Variants in CSF2RB observed in about 807,000 individuals in gnomAD.
CSF2RB encodes cytokine receptor common subunit beta.
A neutral mutation model predicts 67.2 loss-of-function variants in CSF2RB; 22 were observed. That is an observed-to-expected ratio of 0.33 (90% CI 0.23 to 0.47). The LOEUF (loss-of-function observed/expected upper bound fraction) is 0.47, where lower values mean the gene tolerates loss of function less well. Ranked by LOEUF, CSF2RB falls within the 20% of genes least tolerant of loss-of-function variation. CSF2RB has a pLI of 1.00. For synonymous variants in CSF2RB, 507 were observed against 482.9 expected (o/e 1.05, Z -0.65); for missense variants, 1,113 against 1,174.5 (o/e 0.95, Z 0.76).
rs909537972 is a variant in CSF2RB at position 36,929,824 on chromosome 22, C to G, written c.718+17C>G. 1.9e-6 allele frequency: 3 copies of G among 1,611,922 alleles called. No homozygotes were observed. The highest frequency in any genetic ancestry group is 2.5e-6 in the Non-Finnish European group (3 of 1,179,230). ...CCCAGCCAGGTAATGTTGCCAGAGC[C>G]CAGGAAATGCCCCGTGGTGGGAGGG... On this transcript the variant is annotated intron_variant, in intron 6 of 13. Transcript: ENST00000403662.
At chr22:36,915,590 G>C (rs540728425) in intron 1 of CSF2RB, among the ~76,000 whole-genome samples, 1 of 152,066 alleles carries the variant, frequency 6.6e-6, no homozygotes, top group East Asian at 1.9e-4. Context: ...CACGTTGATC[G>C]ACACCTAGAT....
Position 36,936,573 on chromosome 22 carries a change from C to A in CSF2RB, c.1489C>A (p.Pro497Thr), listed in dbSNP as rs755835897. ...GAACGGGAGCGCAGAGCTTTGGCCC[C>A]CAGGCAGCATGTCGGCCTTCACTAG... ...FQNGSAELWP[P>T]GSMSAFTSGS... Residue 497 changes from proline to threonine, a missense_variant, in exon 13 of 14, where the codon CCA (proline) becomes ACA (threonine). Physicochemically the swap from Pro to Thr is conservative, Grantham distance 38 (BLOSUM62 -1). Transcript: ENST00000403662. The A allele has an allele frequency of 6.2e-7, 1 of 1,613,210 alleles. No individual in the cohort carries two copies. The highest frequency in any genetic ancestry group is 8.5e-7 in the Non-Finnish European group (1 of 1,180,008).
chr22:36,932,924 G>T lies in CSF2RB; in HGVS notation c.1152+20G>T, dbSNP rs1534879. On this transcript the variant is annotated intron_variant, in intron 9 of 13. Coordinates refer to ENST00000403662, the MANE Select transcript of CSF2RB (RefSeq NM_000395.3). ...TGGAAGGTGAGGGCCTTTGCCCAGGGAGGGGAGAAACACTGGGGAGGGCGG... is the reference window on the plus strand; with the variant it reads ...TGGAAGGTGAGGGCCTTTGCCCAGGTAGGGGAGAAACACTGGGGAGGGCGG... 6.2e-7 allele frequency: 1 copy of T among 1,612,878 alleles called. No homozygotes were observed. Among genetic ancestry groups the T allele is most frequent in the African/African-American group, 1.3e-5 (1 of 74,904 alleles).
intron 3 of CSF2RB, among the ~76,000 whole-genome samples, chr22:36,925,368 A>G (rs1940988249): frequency 6.6e-6 from 1 of 151,952 alleles, no homozygotes; most frequent in Non-Finnish European, 1.5e-5. Flanking sequence ...CCACATTCCC[A>G]CCTCAGTCTA....
chr22:36,932,361 G>A (rs1941161938), intron 8 of CSF2RB, among the ~76,000 whole-genome samples: 1 of 150,430 alleles, frequency 6.6e-6, no homozygotes, highest in Admixed American at 6.6e-5. Flanking sequence ...CTTGAACCCA[G>A]GAGGCAGAGG....
intron 5 of CSF2RB, 25 bp downstream of exon 5, chr22:36,929,584 C>G: frequency 6.2e-7 from 1 of 1,614,158 alleles, no homozygotes; most frequent in South Asian, 1.1e-5. Context: ...CAGCTCTGCC[C>G]CAGCCCGAAG....
rs575562396 is a variant in CSF2RB at position 36,939,645 on chromosome 22, G to A, written c.*1143G>A. 2.1e-5 allele frequency: 4 copies of A among 189,732 alleles called. No individual in the cohort carries two copies. Among genetic ancestry groups the A allele is most frequent in the African/African-American group, 9.3e-5 (4 of 43,206 alleles). The allele number at this position is 189,732 out of a possible 1,614,324, so 11.8% of individuals were successfully genotyped here. ...AGGCATCGATTGGTATTTTTTAACT[G>A]GGCCAAGCCCATTAAGGTCTTTCTT... On this transcript the variant is annotated 3_prime_UTR_variant, in exon 14 of 14. Coordinates refer to ENST00000403662, the MANE Select transcript of CSF2RB (RefSeq NM_000395.3).
At chr22:36,925,869 T>C in intron 3 of CSF2RB, 118 bp from the exon 4 acceptor site, 1 of 1,157,630 alleles carries the variant, frequency 8.6e-7, no homozygotes, top group South Asian at 1.3e-5. Flanking sequence ...TTTGTGTGTT[T>C]TATCACTGCT....
chr22:36,937,605 C>A lies in CSF2RB; in HGVS notation c.1797C>A (p.Ser599Arg). ...GGCCCTACCTGGGGCCGCCCCACAG[C>A]CGCTCCCTACCTGACATCCTGGGCC... Reference protein sequence around the residue: ...FNGPYLGPPHSRSLPDILGQP... With the variant: ...FNGPYLGPPHRRSLPDILGQP... The change falls in exon 14 of 14, where the codon AGC becomes AGA. Residue 599 changes from serine (S) to arginine (R), a missense_variant. Around this residue, in one of 2 missense-constraint regions of CSF2RB, gnomAD observed 554 missense variants for 517.9 expected, o/e 1.07. Coordinates refer to ENST00000403662, the MANE Select transcript of CSF2RB (RefSeq NM_000395.3). This position sits in a 1 kb window ranked among gnomAD's most constrained non-coding sequence, Gnocchi z 4.6. 6.3e-7 allele frequency: 1 copy of A among 1,580,100 alleles called. No individual in the cohort carries two copies. The highest frequency in any genetic ancestry group is 8.6e-7 in the Non-Finnish European group (1 of 1,162,862).
intron 10 of CSF2RB, 69 bp from the exon 11 acceptor site, chr22:36,935,282 C>A: frequency 6.9e-7 from 1 of 1,445,168 alleles, no homozygotes; most frequent in East Asian, 2.3e-5. Flanking sequence ...GCACCAACCC[C>A]ACTCCCTGCC....
Position 36,938,393 on chromosome 22 carries a change from G to A in CSF2RB, c.2585G>A (p.Gly862Asp), listed in dbSNP as rs779091508. 4 of 1,614,140 alleles carry A rather than the reference G, an allele frequency of 2.5e-6. No individual in the cohort carries two copies. The South Asian group carries it at 4.4e-5, about 18-fold the overall frequency. ...DQAFQVKKPP[G>D]QAVPQVPVIQ... ...GCTTTTCAAGTCAAGAAGCCCCCAGGCCAGGCTGTGCCCCAGGTGCCCGTC... is the reference window on the plus strand; with the variant it reads ...GCTTTTCAAGTCAAGAAGCCCCCAGACCAGGCTGTGCCCCAGGTGCCCGTC... Residue 862 changes from glycine (G) to aspartate (D), a missense_variant, in exon 14 of 14, where the codon GGC (glycine) becomes GAC (aspartate). Around this residue, in one of 2 missense-constraint regions of CSF2RB, gnomAD observed 554 missense variants for 517.9 expected, o/e 1.07. Coordinates refer to ENST00000403662, the MANE Select transcript of CSF2RB (RefSeq NM_000395.3).
In CSF2RB at chr22:36,929,467, A is replaced by G; in HGVS notation, c.457A>G (p.Ser153Gly). 6.2e-7 allele frequency: 1 copy of G among 1,614,118 alleles called. No homozygotes were observed. Among genetic ancestry groups the G allele is most frequent in the Non-Finnish European group, 8.5e-7 (1 of 1,179,990 alleles). ...TDQDHFLLTW[S>G]VALGSPQSHW... Reference sequence around the variant, plus strand: ...CCAGGACCACTTCCTGCTGACCTGGAGTGTGGCCCTTGGGAGTCCCCAGAG... The same window carrying G: ...CCAGGACCACTTCCTGCTGACCTGGGGTGTGGCCCTTGGGAGTCCCCAGAG... The change falls in exon 5 of 14, where the codon AGT (serine) becomes GGT (glycine). Residue 153 changes from serine to glycine, a missense_variant. Coordinates refer to ENST00000403662, the MANE Select transcript of CSF2RB (RefSeq NM_000395.3).
rs952755105 is a variant in CSF2RB at position 36,934,114 on chromosome 22, C to G, written c.1315+120C>G. 9 of 1,336,396 alleles carry G rather than the reference C, an allele frequency of 6.7e-6. No homozygotes were observed. In the African/African-American group the frequency reaches 1.0e-4, roughly 15 times the overall value. 82.8% of individuals were successfully genotyped at this position (1,336,396 alleles called of 1,614,324 possible). On this transcript the variant is annotated intron_variant, in intron 10 of 13. Transcript: ENST00000403662. The stretch of plus-strand genomic sequence containing the variant: ...GCAACAACTTGTAGGTGAGCCGTCT[C>G]CCCGATTAGATGGTGGCCAAAGAGA...
In CSF2RB at chr22:36,938,774, A is replaced by G; in HGVS notation, c.*272A>G. 1.8e-6 allele frequency: 1 copy of G among 555,428 alleles called. No individual in the cohort carries two copies. The highest frequency in any genetic ancestry group is 3.2e-6 in the Non-Finnish European group (1 of 314,996). The allele number at this position is 555,428 out of a possible 1,614,324, so 34.4% of individuals were successfully genotyped here. On this transcript the variant is annotated 3_prime_UTR_variant, in exon 14 of 14. Transcript: ENST00000403662. Reference sequence around the variant, plus strand: ...AGGTTCTGCATTATTAGAACTTTCTAGATATACTCATTCCATCTCCCCCTC... The same window carrying G: ...AGGTTCTGCATTATTAGAACTTTCTGGATATACTCATTCCATCTCCCCCTC...
At chr22:36,926,283 T>C in intron 4 of CSF2RB, 106 bp downstream of exon 4, 1 of 1,153,270 alleles carries the variant, frequency 8.7e-7, no homozygotes, top group Non-Finnish European at 1.3e-6. Flanking sequence ...GGCTTGGGGT[T>C]GGGTGAGGGT....
rs770031885 is a variant in CSF2RB at position 36,936,606 on chromosome 22, C to A, written c.1522C>A (p.Pro508Thr). 1 of 1,613,632 alleles carries A rather than the reference C, an allele frequency of 6.2e-7. No individual in the cohort carries two copies. The highest frequency in any genetic ancestry group is 1.7e-4 in the Middle Eastern group (1 of 5,892). ...GSMSAFTSGS[P>T]PHQGPWGSRF... ...CATGTCGGCCTTCACTAGCGGGAGT[C>A]CCCCACACCAGGGGCCGTGGGGCAG... The change falls in exon 13 of 14, where the codon CCC (proline) becomes ACC (threonine). Residue 508 changes from proline to threonine, a missense_variant. Physicochemically the swap from Pro to Thr is conservative, Grantham distance 38. Around this residue, in one of 2 missense-constraint regions of CSF2RB, gnomAD observed 554 missense variants for 517.9 expected, o/e 1.07. Coordinates refer to ENST00000403662, the MANE Select transcript of CSF2RB (RefSeq NM_000395.3).
chr22:36,938,112 G>A lies in CSF2RB; in HGVS notation c.2304G>A (p.Glu768=), dbSNP rs373820480. Reference sequence around the variant, plus strand: ...AGTCAGGGTTTGAGGGCTATGTGGAGCTCCCTCCAATTGAGGGCCGGTCCC... The same window carrying A: ...AGTCAGGGTTTGAGGGCTATGTGGAACTCCCTCCAATTGAGGGCCGGTCCC... ...PVKSGFEGYV[E]LPPIEGRSPR... Residue 768 remains glutamate, a synonymous_variant, in exon 14 of 14, where the codon GAG becomes GAA. Transcript: ENST00000403662. The A allele has an allele frequency of 6.2e-7, 1 of 1,614,062 alleles. No homozygotes were observed. Among genetic ancestry groups the A allele is most frequent in the Non-Finnish European group, 8.5e-7 (1 of 1,179,982 alleles).
At chr22:36,922,409 T>G in intron 2 of CSF2RB, 126 bp downstream of exon 2, 1 of 850,752 alleles carries the variant, frequency 1.2e-6, no homozygotes, top group Non-Finnish European at 1.9e-6. Context: ...CCTCTGTCTC[T>G]CCCCCTGGCC....
At chr22:36,916,968 G>A (rs1230445113) in intron 1 of CSF2RB, among the ~76,000 whole-genome samples, 1 of 152,220 alleles carries the variant, frequency 6.6e-6, no homozygotes, top group Non-Finnish European at 1.5e-5. Flanking sequence ...ACCACTGGAA[G>A]TAAAGACAAT....
Sources: allele counts gnomAD v4.1 joint callset (sites outside exome capture counted in the v4.1 genomes callset), GRCh38; gene constraint gnomAD v4.1.1; regional missense constraint gnomAD v4.1.1; non-coding constraint Gnocchi (gnomAD v3.1); transcripts MANE v1.5; gene names NCBI Gene and HGNC (gene_info 2026-07-23, HGNC 2026-07-21).